The following PTPRG variants were observed in gnomAD, a reference collection of about 807,000 sequenced individuals.
PTPRG encodes the protein receptor-type tyrosine-protein phosphatase gamma.
In PTPRG, 102 loss-of-function variants were observed where a neutral mutation model predicts 165.3. The ratio of observed to expected loss-of-function variants is 0.62; its 90% CI spans 0.53 to 0.73. PTPRG has a LOEUF of 0.73. Ranked by LOEUF, PTPRG falls within the 30% of genes least tolerant of loss-of-function variation. The pLI, the probability that PTPRG is intolerant of heterozygous loss-of-function variation, is 0.00. For missense variants in PTPRG, 1,866 were observed against 1,861.4 expected, an observed-to-expected ratio of 1.00 and a Z score of -0.05; for synonymous variants, 675 against 669.5, an observed-to-expected ratio of 1.01 and a Z score of -0.13.
intron 2 of PTPRG, among the ~76,000 whole-genome samples, chr3:61,795,089 C>A (rs889092127): frequency 1.3e-5 from 2 of 152,116 alleles, no homozygotes; most frequent in Non-Finnish European, 2.9e-5. Context: ...AATCCTCCTG[C>A]CAGCCTTATC....
Position 62,295,476 on chromosome 3 carries a change from G to T in PTPRG, c.*2169G>T, listed in dbSNP as rs940240315. On this transcript the variant is annotated 3_prime_UTR_variant, in exon 30 of 30. Transcript: ENST00000474889. ...TTTTTCTTAATAAAAGTAAACACTG[G>T]TTCAAAGACAAATAGCAAGTATTCC... is the stretch of plus-strand genomic sequence containing the variant. 3.9e-5 allele frequency: 6 copies of T among 152,020 alleles called. No individual in the cohort carries two copies. Among genetic ancestry groups the T allele is most frequent in the African/African-American group, 1.4e-4 (6 of 41,404 alleles). The allele number at this position is 152,020 out of a possible 1,614,324, so 9.4% of individuals were successfully genotyped here.
In PTPRG at chr3:62,277,640, C is replaced by T. The variant is rs375386090; in HGVS notation, c.3726C>T (p.Asn1242=). ...KDFWRMIWDH[N]AQIIVMLPDN... is the part of the protein sequence containing the mutation. ...TCTGGCGAATGATTTGGGATCATAA[C>T]GCACAGATCATTGTCATGCTGCCAG... Residue 1242 remains asparagine, a synonymous_variant, in exon 26 of 30, where the codon AAC becomes AAT. Transcript: ENST00000474889. The T allele has an allele frequency of 1.7e-5, 27 of 1,612,702 alleles. No individual in the cohort carries two copies. The highest frequency in any genetic ancestry group is 6.6e-5 in the South Asian group (6 of 91,054).
intron 2 of PTPRG, among the ~76,000 whole-genome samples, chr3:61,961,932 G>T (rs1345919678): frequency 1.3e-5 from 2 of 152,116 alleles, no homozygotes; most frequent in African/African-American, 2.4e-5. Flanking sequence ...ACACAGCTCG[G>T]GCTCTGCACT....
At chr3:61,870,404 C>T (rs1183312453) in intron 2 of PTPRG, among the ~76,000 whole-genome samples, 1 of 147,138 alleles carries the variant, frequency 6.8e-6, no homozygotes, top group African/African-American at 2.6e-5. Flanking sequence ...CCTCCACCTC[C>T]TGGGTTCAAG....
intron 5 of PTPRG, among the ~76,000 whole-genome samples, chr3:62,087,770 T>C (rs1481107915): frequency 6.6e-6 from 1 of 152,192 alleles, no homozygotes; most frequent in East Asian, 1.9e-4. Flanking sequence ...ATATTATTGG[T>C]CCCAGTTATT....
chr3:61,716,239 C>T (rs2031802037), intron 1 of PTPRG, among the ~76,000 whole-genome samples: 2 of 152,176 alleles, frequency 1.3e-5, no homozygotes, highest in African/African-American at 4.8e-5. Context: ...TGTGTTTCTT[C>T]CTCTGAAGTG....
Position 62,195,354 on chromosome 3 carries a change from C to T in PTPRG, c.1327+184C>T, listed in dbSNP as rs978706657. Reference sequence around the variant, plus strand: ...AGGTCTTTTAGGTTGGAGGTTTTATCGGCAGAAGAGGGGAGAAAAAACAAA... The same window carrying T: ...AGGTCTTTTAGGTTGGAGGTTTTATTGGCAGAAGAGGGGAGAAAAAACAAA... On this transcript the variant is annotated intron_variant, in intron 10 of 29. Transcript: ENST00000474889. This position sits in a 1 kb window ranked among gnomAD's most constrained non-coding sequence, Gnocchi z 4.4. Among the ~76,000 whole-genome samples, 2 of 152,208 alleles carry T rather than the reference C, an allele frequency of 1.3e-5. No individual in the cohort carries two copies. Among genetic ancestry groups the T allele is most frequent in the Admixed American group, 6.5e-5 (1 of 15,288 alleles).
rs1559583432 is a variant in PTPRG at position 61,738,316 on chromosome 3, A to ATGTG, written c.86-10561_86-10560insGTGT. On this transcript the variant is annotated intron_variant, in intron 1 of 29. Coordinates refer to ENST00000474889, the MANE Select transcript of PTPRG (RefSeq NM_002841.4). ...TATATATATATATATATATATACAT[A>ATGTG]TATATATATATATATATATATGTAT... is the stretch of plus-strand genomic sequence containing the variant. 2.4e-3 allele frequency among the ~76,000 whole-genome samples: 232 copies of ATGTG among 96,446 alleles called. 27 individuals are homozygous for ATGTG. The highest frequency in any genetic ancestry group is 4.6e-3 in the Middle Eastern group (1 of 216). The allele number at this position is 96,446 out of a possible 152,430, so 63.3% of individuals were successfully genotyped here.
At chr3:62,230,650 G>A (rs760636824) in intron 13 of PTPRG, among the ~76,000 whole-genome samples, 3 of 152,222 alleles carry the variant, frequency 2.0e-5, no homozygotes, top group Admixed American at 1.3e-4. Flanking sequence ...GTAATAACTT[G>A]CCAACTGCTG....
intron 2 of PTPRG, among the ~76,000 whole-genome samples, chr3:61,932,150 T>C (rs549848765): frequency 6.6e-6 from 1 of 152,250 alleles, no homozygotes; most frequent in Non-Finnish European, 1.5e-5. Flanking sequence ...ACTAAGTGTG[T>C]GTCAGATGGG....
chr3:61,991,022 C>G (rs2040874919), intron 3 of PTPRG, among the ~76,000 whole-genome samples: 1 of 151,776 alleles, frequency 6.6e-6, no homozygotes, highest in African/African-American at 2.4e-5. Context: ...GTTTGCCTGG[C>G]ATGTTCATAG....
chr3:61,719,274 G>C (rs554090090), intron 1 of PTPRG, among the ~76,000 whole-genome samples: 1 of 152,194 alleles, frequency 6.6e-6, no homozygotes, highest in Non-Finnish European at 1.5e-5. Flanking sequence ...TCGAGGAAAG[G>C]CCCTGGGCTT....
intron 5 of PTPRG, among the ~76,000 whole-genome samples, chr3:62,107,771 A>AT (rs1334644454): frequency 6.6e-6 from 1 of 152,242 alleles, no homozygotes; most frequent in Non-Finnish European, 1.5e-5. Context: ...CATTCATTAC[A>AT]TGTTTATTGA....
intron 2 of PTPRG, among the ~76,000 whole-genome samples, chr3:61,954,991 A>C (rs2039998749): frequency 6.6e-6 from 1 of 152,232 alleles, no homozygotes; most frequent in Admixed American, 6.5e-5. Flanking sequence ...AGTTGTGATA[A>C]ATTGTTATCA....
rs6762311 is a variant in PTPRG at position 61,957,259 on chromosome 3, G to C, written c.191-32366G>C. Among the ~76,000 whole-genome samples the C allele has an allele frequency of 3.9e-3, 590 of 152,252 alleles. 3 individuals carry two copies. The highest frequency in any genetic ancestry group is 0.014 in the African/African-American group (578 of 41,546). On this transcript the variant is annotated intron_variant, in intron 2 of 29. Coordinates refer to ENST00000474889, the MANE Select transcript of PTPRG (RefSeq NM_002841.4). ...ACTGAATAATAATTATTTGACGAAG[G>C]TAGTGCGTTGTAAATATTTATAAAC...
Position 62,293,401 on chromosome 3 carries a change from C to G in PTPRG, c.*94C>G, listed in dbSNP as rs751016941. 1.2e-4 allele frequency: 137 copies of G among 1,160,534 alleles called. No individual in the cohort carries two copies. The highest frequency in any genetic ancestry group is 1.5e-4 in the Non-Finnish European group (132 of 856,188). 71.9% of individuals were successfully genotyped at this position (1,160,534 alleles called of 1,614,324 possible). On this transcript the variant is annotated 3_prime_UTR_variant, in exon 30 of 30. Coordinates refer to ENST00000474889, the MANE Select transcript of PTPRG (RefSeq NM_002841.4). ...GCCAGACTCTAGGTTATACAATAACCCAGTTACTTTTTTACACTGATAAAA... is the reference window on the plus strand; with the variant it reads ...GCCAGACTCTAGGTTATACAATAACGCAGTTACTTTTTTACACTGATAAAA...
At chr3:61,694,028 A>C (rs1444881106) in intron 1 of PTPRG, among the ~76,000 whole-genome samples, 1 of 115,096 alleles carries the variant, frequency 8.7e-6, no homozygotes, top group African/African-American at 3.1e-5. Flanking sequence ...AAAAAAAAAG[A>C]GAGAGAGAGA....
chr3:62,243,985 T>G (rs1701228175), intron 15 of PTPRG, 87 bp downstream of exon 15: 1 of 797,756 alleles, frequency 1.3e-6, no homozygotes, highest in Middle Eastern at 2.3e-4. Context: ...ACAAAATATT[T>G]TATAGCCTTT....
At chr3:61,620,470 A>G (rs998087011) in intron 1 of PTPRG, among the ~76,000 whole-genome samples, 1 of 152,160 alleles carries the variant, frequency 6.6e-6, no homozygotes, top group Non-Finnish European at 1.5e-5. Flanking sequence ...ATGGTCAACC[A>G]TTATTTGCAC....
Sources: gnomAD v4.1 joint callset for allele counts (sites outside exome capture counted in the v4.1 genomes callset) on GRCh38, gnomAD v4.1.1 for gene constraint, Gnocchi (gnomAD v3.1) non-coding constraint, MANE v1.5 for transcripts, NCBI Gene and HGNC (gene_info 2026-07-23, HGNC 2026-07-21) for gene names.